Variants in ARHGAP31 observed in about 807,000 individuals in gnomAD.
ARHGAP31 encodes the protein Rho GTPase activating protein 31.
ARHGAP31 carries 34 observed loss-of-function variants against 113.9 expected under a neutral mutation model. The observed-to-expected ratio is 0.30, with a 90% confidence interval of 0.23 to 0.40. ARHGAP31 has a LOEUF of 0.40. Ranked by LOEUF, ARHGAP31 falls within the 10% of genes least tolerant of loss-of-function variation. The pLI is 1.00. For missense variants in ARHGAP31, 1,548 were observed against 1,767.1 expected (o/e 0.88, Z 2.22); for synonymous variants, 650 against 684.8 (o/e 0.95, Z 0.79).
At chr3:119,308,289 C>T (rs985649418) in intron 1 of ARHGAP31, among the ~76,000 whole-genome samples, 12 of 152,174 alleles carry the variant, frequency 7.9e-5, no homozygotes, top group Admixed American at 2.6e-4. Context: ...TAACAAATTA[C>T]CACAAACTTA....
intron 9 of ARHGAP31, among the ~76,000 whole-genome samples, chr3:119,401,597 A>T (rs1218197849): frequency 6.6e-6 from 1 of 152,212 alleles, no homozygotes; most frequent in African/African-American, 2.4e-5. Flanking sequence ...GTATGGCACA[A>T]CAGCAAATGA....
rs185452730 is a variant in ARHGAP31 at position 119,316,526 on chromosome 3, C to G, written c.100+21522C>G. Among the ~76,000 whole-genome samples the G allele has an allele frequency of 1.5e-4, 23 of 152,324 alleles. 1 individual carries two copies. In the East Asian group the frequency reaches 4.4e-3, roughly 29 times the overall value. On this transcript the variant is annotated intron_variant, in intron 1 of 11. Coordinates refer to ENST00000264245, the MANE Select transcript of ARHGAP31 (RefSeq NM_020754.4). The stretch of plus-strand genomic sequence containing the variant: ...TCAGGTTTCCAGCAAACAGAGAAAT[C>G]CCTGGCCAGCTGCCTCTTCTCTCTG...
In ARHGAP31 at chr3:119,380,207, A is replaced by T. The variant is rs114725776; in HGVS notation, c.349-697A>T. On this transcript the variant is annotated intron_variant, in intron 3 of 11. Coordinates refer to ENST00000264245, the MANE Select transcript of ARHGAP31 (RefSeq NM_020754.4). ...CTCTTATCCCTGCCAAGGAAAGCAC[A>T]TCTTCCCTGCTTCCTGGCTTCTAGG... Among the ~76,000 whole-genome samples, 1,455 of 152,246 alleles carry T rather than the reference A, an allele frequency of 9.6e-3. 25 individuals carry two copies. The highest frequency in any genetic ancestry group is 0.031 in the African/African-American group (1,280 of 41,522).
rs2080780786 is a variant in ARHGAP31 at position 119,416,505 on chromosome 3, A to G, written c.*241A>G. 3.6e-6 allele frequency: 2 copies of G among 554,012 alleles called. No homozygotes were observed. Among genetic ancestry groups the G allele is most frequent in the East Asian group, 3.4e-5 (1 of 29,254 alleles). 34.3% of individuals were successfully genotyped at this position (554,012 alleles called of 1,614,324 possible). On this transcript the variant is annotated 3_prime_UTR_variant, in exon 12 of 12. Transcript: ENST00000264245. ...TGAGCAAGTGAGAGAAGGTTAGGTAAGGGGAGAGGATGGAATGCTTGCCTC... is the reference window on the plus strand; with the variant it reads ...TGAGCAAGTGAGAGAAGGTTAGGTAGGGGGAGAGGATGGAATGCTTGCCTC...
chr3:119,387,195 G>A lies in ARHGAP31; in HGVS notation c.683-3590G>A, dbSNP rs185822471. 2.1e-3 allele frequency among the ~76,000 whole-genome samples: 317 copies of A among 152,260 alleles called. 1 individual carries two copies. Among genetic ancestry groups the A allele is most frequent in the African/African-American group, 7.0e-3 (290 of 41,542 alleles). On this transcript the variant is annotated intron_variant, in intron 6 of 11. Coordinates refer to ENST00000264245, the MANE Select transcript of ARHGAP31 (RefSeq NM_020754.4). ...CTGGACCACAGTCCGCCTGGTAACG[G>A]GCGTCTTCCCAGACGCTGGCTTCAC...
intron 2 of ARHGAP31, among the ~76,000 whole-genome samples, chr3:119,366,527 T>G (rs182145323): frequency 2.6e-5 from 4 of 152,286 alleles, no homozygotes; most frequent in Admixed American, 6.5e-5. Flanking sequence ...TTTCACTAAT[T>G]TACTAGTACT....
Position 119,355,973 on chromosome 3 carries a change from C to T in ARHGAP31, c.101-9343C>T, listed in dbSNP as rs575743465. On this transcript the variant is annotated intron_variant, in intron 1 of 11. Transcript: ENST00000264245. ...AAGGCTATTCTAGATGAATAAGACA[C>T]GGGACTGTCCTCATTGTCCCCAAGG... Among the ~76,000 whole-genome samples the T allele has an allele frequency of 1.4e-4, 22 of 152,228 alleles. No individual in the cohort carries two copies. The South Asian group carries it at 2.3e-3, about 16-fold the overall frequency.
At chr3:119,380,690 C>A (rs980401539) in intron 3 of ARHGAP31, among the ~76,000 whole-genome samples, 1 of 152,144 alleles carries the variant, frequency 6.6e-6, no homozygotes, top group Admixed American at 6.5e-5. Flanking sequence ...CCACCGCCTG[C>A]TGTGCACACA....
At chr3:119,307,543 T>C (rs2079640910) in intron 1 of ARHGAP31, among the ~76,000 whole-genome samples, 1 of 152,134 alleles carries the variant, frequency 6.6e-6, no homozygotes, top group Admixed American at 6.5e-5. Context: ...TTCCCTTGGG[T>C]GGATGTATAA....
chr3:119,294,708 C>T lies in ARHGAP31; in HGVS notation c.-197C>T, dbSNP rs1686874394. Reference sequence around the variant, plus strand: ...TCGGCACGGCGGCCCCGGAGCGGCGCGGGGTGGATCTCAGGCTCTGCCGGC... The same window carrying T: ...TCGGCACGGCGGCCCCGGAGCGGCGTGGGGTGGATCTCAGGCTCTGCCGGC... On this transcript the variant is annotated 5_prime_UTR_variant, in exon 1 of 12. Transcript: ENST00000264245. The T allele has an allele frequency of 1.6e-6, 1 of 617,676 alleles. No homozygotes were observed. Among genetic ancestry groups the T allele is most frequent in the Admixed American group, 2.8e-5 (1 of 35,178 alleles). 38.3% of individuals were successfully genotyped at this position (617,676 alleles called of 1,614,324 possible).
chr3:119,300,358 G>A (rs1015343336), intron 1 of ARHGAP31, among the ~76,000 whole-genome samples: 1 of 152,126 alleles, frequency 6.6e-6, no homozygotes, highest in Non-Finnish European at 1.5e-5. Flanking sequence ...ATGAGTAAAT[G>A]ATATGATAAG....
At chr3:119,322,445 G>A (rs985607218) in intron 1 of ARHGAP31, among the ~76,000 whole-genome samples, 1 of 152,186 alleles carries the variant, frequency 6.6e-6, no homozygotes, top group Admixed American at 6.5e-5. Context: ...GAACTTTGCA[G>A]CCCCTTCCTC....
In ARHGAP31 at chr3:119,416,551, A is replaced by G. The variant is rs569361575; in HGVS notation, c.*287A>G. On this transcript the variant is annotated 3_prime_UTR_variant, in exon 12 of 12. Coordinates refer to ENST00000264245, the MANE Select transcript of ARHGAP31 (RefSeq NM_020754.4). Reference sequence around the variant, plus strand: ...GCCTCCAATGAACTTTGGAGCTTGTATGTGAGTCAGATTGCTCCCCTATTG... The same window carrying G: ...GCCTCCAATGAACTTTGGAGCTTGTGTGTGAGTCAGATTGCTCCCCTATTG... 2 of 452,134 alleles carry G rather than the reference A, an allele frequency of 4.4e-6. No individual in the cohort carries two copies. Among genetic ancestry groups the G allele is most frequent in the South Asian group, 2.1e-5 (1 of 47,810 alleles). The allele number at this position is 452,134 out of a possible 1,614,324, so 28.0% of individuals were successfully genotyped here.
rs531711348 is a variant in ARHGAP31 at position 119,416,771 on chromosome 3, G to A, written c.*507G>A. The A allele has an allele frequency of 5.1e-6, 1 of 194,744 alleles. No individual in the cohort carries two copies. The highest frequency in any genetic ancestry group is 1.3e-4 in the East Asian group (1 of 7,408). The allele number at this position is 194,744 out of a possible 1,614,324, so 12.1% of individuals were successfully genotyped here. On this transcript the variant is annotated 3_prime_UTR_variant, in exon 12 of 12. Transcript: ENST00000264245. ...AGTTTTCTAATAAGCTTTGTAAAAT[G>A]TACTATCCAAATTAGAAGCGGATTT... is the stretch of plus-strand genomic sequence containing the variant.
chr3:119,315,651 C>A (rs1431044613), intron 1 of ARHGAP31, among the ~76,000 whole-genome samples: 3 of 152,192 alleles, frequency 2.0e-5, no homozygotes, highest in Non-Finnish European at 4.4e-5. Context: ...GGTAAGGCAG[C>A]CTTACAAACC....
chr3:119,404,028 G>T lies in ARHGAP31; in HGVS notation c.1645+1631G>T, dbSNP rs2080638645. ...GTCCCTTCCTCCCATTTCCTTTCAG[G>T]ATGGGTACGCAGATGAGCAAATCTC... On this transcript the variant is annotated intron_variant, in intron 10 of 11. Transcript: ENST00000264245. Among the ~76,000 whole-genome samples the T allele has an allele frequency of 1.3e-5, 2 of 152,156 alleles. 1 individual carries two copies. Among genetic ancestry groups the T allele is most frequent in the South Asian group, 4.1e-4 (2 of 4,832 alleles).
intron 1 of ARHGAP31, chr3:119,329,846 A>G: frequency 2.0e-6 from 2 of 985,456 alleles, no homozygotes; most frequent in Non-Finnish European, 2.4e-6. Flanking sequence ...CACTGTCCCC[A>G]CCAAAGTGTT....
rs141342590 is a variant in ARHGAP31 at position 119,416,731 on chromosome 3, G to A, written c.*467G>A. 2.8e-5 allele frequency: 6 copies of A among 214,760 alleles called. No individual in the cohort carries two copies. Among genetic ancestry groups the A allele is most frequent in the South Asian group, 7.5e-5 (1 of 13,340 alleles). 13.3% of individuals were successfully genotyped at this position (214,760 alleles called of 1,614,324 possible). A position where few individuals can be genotyped will look rare whatever the true frequency, so the allele number is the denominator to read the frequency against. ...TATGCTTTTTAATGCTCTTTCAAAC[G>A]TGTTCTTTTAGACCAGTTTTCTAAT... On this transcript the variant is annotated 3_prime_UTR_variant, in exon 12 of 12. Coordinates refer to ENST00000264245, the MANE Select transcript of ARHGAP31 (RefSeq NM_020754.4).
chr3:119,376,382 G>A (rs562925834), intron 3 of ARHGAP31, among the ~76,000 whole-genome samples: 49 of 152,190 alleles, frequency 3.2e-4, no homozygotes, highest in African/African-American at 1.1e-3. Flanking sequence ...CCAGCTACTC[G>A]TGAGGCTAAG....
Sources: gnomAD v4.1 joint callset for allele counts (sites outside exome capture counted in the v4.1 genomes callset) on GRCh38, gnomAD v4.1.1 for gene constraint, MANE v1.5 for transcripts, NCBI Gene and HGNC (gene_info 2026-07-23, HGNC 2026-07-21) for gene names.